CDK19: variants seen among roughly 807,000 people sequenced by gnomAD.
CDK19 encodes cyclin dependent kinase 19.
CDK19 carries 20 observed loss-of-function variants against 68.3 expected under a neutral mutation model. The ratio of observed to expected loss-of-function variants is 0.29; its 90% CI spans 0.21 to 0.43. CDK19 has a LOEUF of 0.43. Ranked by LOEUF, CDK19 falls within the 20% of genes least tolerant of loss-of-function variation. CDK19 has a pLI of 1.00. For synonymous variants in CDK19, 221 were observed against 222.8 expected (o/e 0.99, Z 0.07); for missense variants, 339 against 623.5 (o/e 0.54, Z 4.86).
intron 1 of CDK19, among the ~76,000 whole-genome samples, chr6:110,764,155 A>G (rs539443527): frequency 4.6e-5 from 7 of 152,372 alleles, no homozygotes; most frequent in Admixed American, 6.5e-5. Context: ...AAGAAGACTC[A>G]ATATTGTCAA....
chr6:110,787,561 G>A (rs151156568), intron 1 of CDK19, among the ~76,000 whole-genome samples: 2 of 151,492 alleles, frequency 1.3e-5, no homozygotes, highest in Admixed American at 6.6e-5. Context: ...ATTCTCCAAC[G>A]TCAGCCTCAC....
At chr6:110,811,474 C>T (rs1422781958) in intron 1 of CDK19, among the ~76,000 whole-genome samples, 5 of 152,124 alleles carry the variant, frequency 3.3e-5, no homozygotes, top group African/African-American at 1.2e-4. Flanking sequence ...GGCTGGTCTC[C>T]TGGTCTCAGG....
Position 110,726,201 on chromosome 6 carries a change from A to G in CDK19, c.204+19925T>C, listed in dbSNP as rs371742534. Among the ~76,000 whole-genome samples, 21 of 152,218 alleles carry G rather than the reference A, an allele frequency of 1.4e-4. 1 individual carries two copies. Among genetic ancestry groups the G allele is most frequent in the Admixed American group, 1.0e-3 (16 of 15,276 alleles). ...ATAATCATGTTATAATCATGCAGCA[A>G]AAGCATTTCACATACTTTTTCTGTA... is the stretch of plus-strand genomic sequence containing the variant. On this transcript the variant is annotated intron_variant, in intron 2 of 12. Coordinates refer to ENST00000368911, the MANE Select transcript of CDK19 (RefSeq NM_015076.5).
At position 110,620,389 on chromosome 6, in the gene CDK19, A is replaced by AC. The variant is rs370911198; in HGVS notation, c.1377+714_1377+715insG. ...TGGTTCTAAACTTAAAACAAACAAA[A>AC]AAACAAACAAACAAAAAACTTAAGT... is the stretch of plus-strand genomic sequence containing the variant. On this transcript the variant is annotated intron_variant, in intron 12 of 12. Coordinates refer to ENST00000368911, the MANE Select transcript of CDK19 (RefSeq NM_015076.5). Among the ~76,000 whole-genome samples, 390 of 152,116 alleles carry AC rather than the reference A, an allele frequency of 2.6e-3. 1 individual carries two copies. Among genetic ancestry groups the AC allele is most frequent in the African/African-American group, 8.2e-3 (340 of 41,468 alleles).
rs192012087 is a variant in CDK19, at chr6:110,636,124, A to G, written c.514+2525T>C. Among the ~76,000 whole-genome samples the G allele has an allele frequency of 2.0e-5, 3 of 152,348 alleles. No individual in the cohort carries two copies. In the East Asian group the frequency reaches 5.8e-4, roughly 29 times the overall value. On this transcript the variant is annotated intron_variant, in intron 5 of 12. Coordinates refer to ENST00000368911, the MANE Select transcript of CDK19 (RefSeq NM_015076.5). ...AATTTTGCTAAGGAGTACTAAGAGAACAAATTAGATTGGGGTGACTGGGAG... is the reference window on the plus strand; with the variant it reads ...AATTTTGCTAAGGAGTACTAAGAGAGCAAATTAGATTGGGGTGACTGGGAG...
intron 4 of CDK19, chr6:110,645,604 A>C (rs1780505248): frequency 4.2e-6 from 1 of 236,964 alleles, no homozygotes; most frequent in Non-Finnish European, 8.5e-6. Context: ...TCAGATGCAC[A>C]TCATCCTCGG....
chr6:110,646,547 A>C, intron 4 of CDK19: 2 of 1,189,668 alleles, frequency 1.7e-6, no homozygotes, highest in Non-Finnish European at 1.1e-6. Context: ...ACAGGTGCTT[A>C]AGTCGTGCTG....
chr6:110,714,115 G>A (rs1775182394), intron 2 of CDK19, among the ~76,000 whole-genome samples: 1 of 152,068 alleles, frequency 6.6e-6, no homozygotes, highest in Admixed American at 6.6e-5. Flanking sequence ...CCCAGCCCCT[G>A]GCAACCAATA....
intron 2 of CDK19, among the ~76,000 whole-genome samples, chr6:110,704,542 T>TTCCCTA (rs1453770183): frequency 8.5e-5 from 13 of 152,224 alleles, no homozygotes; most frequent in African/African-American, 2.2e-4. Context: ...ATACCACTCA[T>TTCCCTA]TTGGAAGTCA....
intron 1 of CDK19, among the ~76,000 whole-genome samples, chr6:110,764,334 G>C (rs1193819129): frequency 6.6e-6 from 1 of 152,130 alleles, no homozygotes; most frequent in African/African-American, 2.4e-5. Flanking sequence ...TTGGAAGACT[G>C]ATACTACCCA....
At chr6:110,623,018 G>C (rs1432508498) in intron 9 of CDK19, 106 bp from the exon 10 acceptor site, 1 of 803,642 alleles carries the variant, frequency 1.2e-6, no homozygotes, top group East Asian at 2.5e-5. Flanking sequence ...AATACATTTG[G>C]TGTAGCTCAC....
At chr6:110,649,633 G>A (rs914992403) in intron 4 of CDK19, among the ~76,000 whole-genome samples, 2 of 151,998 alleles carry the variant, frequency 1.3e-5, no homozygotes, top group Admixed American at 6.6e-5. Context: ...CCAAAATAAA[G>A]AACTCCTACA....
At chr6:110,616,668 C>CAA (rs879456168) in intron 12 of CDK19, among the ~76,000 whole-genome samples, 28 of 123,142 alleles carry the variant, frequency 2.3e-4, no homozygotes, top group African/African-American at 4.5e-4. Flanking sequence ...GACTCCATCT[C>CAA]AAAAAAAAAA....
At chr6:110,770,305 AAT>A (rs1036157838) in intron 1 of CDK19, among the ~76,000 whole-genome samples, 3 of 152,230 alleles carry the variant, frequency 2.0e-5, no homozygotes, top group Non-Finnish European at 4.4e-5. Flanking sequence ...AAAGAGGTTT[AAT>A]TGGACTTACA....
intron 1 of CDK19, among the ~76,000 whole-genome samples, chr6:110,756,447 A>G (rs1583031249): frequency 2.0e-5 from 3 of 151,608 alleles, no homozygotes; most frequent in Admixed American, 2.0e-4. Flanking sequence ...CCTTGGTCCC[A>G]GATACTCAGG....
At chr6:110,747,769 C>G (rs752929098) in intron 1 of CDK19, among the ~76,000 whole-genome samples, 11 of 152,130 alleles carry the variant, frequency 7.2e-5, no homozygotes, top group Non-Finnish European at 1.6e-4. Flanking sequence ...TTTAAATGAT[C>G]ATTTTTTCCT....
At chr6:110,620,322 T>C (rs1379296450) in intron 12 of CDK19, among the ~76,000 whole-genome samples, 1 of 152,156 alleles carries the variant, frequency 6.6e-6, no homozygotes, top group African/African-American at 2.4e-5. Flanking sequence ...TTCTATTATC[T>C]CTATCCTATG....
chr6:110,815,298 G>A lies in CDK19; in HGVS notation c.-162C>T, dbSNP rs1783551133. 6.8e-6 allele frequency: 5 copies of A among 740,140 alleles called. No individual in the cohort carries two copies. The highest frequency in any genetic ancestry group is 3.6e-5 in the East Asian group (1 of 27,908). 45.8% of individuals were successfully genotyped at this position (740,140 alleles called of 1,614,324 possible). A position where few individuals can be genotyped will look rare whatever the true frequency, so the allele number is the denominator to read the frequency against. On this transcript the variant is annotated 5_prime_UTR_variant, in exon 1 of 13. Coordinates refer to ENST00000368911, the MANE Select transcript of CDK19 (RefSeq NM_015076.5). ...CGCTCCGCGGTCCGCCTTCAGCAAG[G>A]GACTCCTCGGCGGCCACAGCAGCCA...
intron 1 of CDK19, among the ~76,000 whole-genome samples, chr6:110,747,247 A>G (rs1259362586): frequency 6.6e-6 from 1 of 152,202 alleles, no homozygotes; most frequent in East Asian, 1.9e-4. Flanking sequence ...TTCAAAATCC[A>G]CATTTTAAAA....
Sources: allele counts gnomAD v4.1 joint callset (sites outside exome capture counted in the v4.1 genomes callset), GRCh38; gene constraint gnomAD v4.1.1; transcripts MANE v1.5; gene names NCBI Gene and HGNC (gene_info 2026-07-23, HGNC 2026-07-21).